The following GPC6 variants were observed in gnomAD, a reference collection of about 807,000 sequenced individuals.
GPC6 encodes the protein glypican-6.
Under a neutral mutation model 55.2 loss-of-function variants are expected in GPC6, and 14 were observed. The ratio of observed to expected loss-of-function variants is 0.25; its 90% CI spans 0.17 to 0.40. The LOEUF is 0.40. Among genes scored for constraint, GPC6 ranks in the 10% least tolerant of loss-of-function variants. The probability of loss-of-function intolerance (pLI) is 1.00; values close to 1 mark genes in which losing one functional copy is unlikely to be tolerated. For missense variants in GPC6, 641 were observed against 708.5 expected (o/e 0.90, Z 1.08); for synonymous variants, 278 against 259.6 (o/e 1.07, Z -0.68).
chr13:93,487,522 T>C (rs1032935187), intron 1 of GPC6, among the ~76,000 whole-genome samples: 1 of 152,170 alleles, frequency 6.6e-6, no homozygotes, highest in Non-Finnish European at 1.5e-5. Context: ...TTGGGTAACA[T>C]GAGTGTAGAA....
intron 4 of GPC6, among the ~76,000 whole-genome samples, chr13:94,041,763 G>A (rs1410439892): frequency 2.0e-5 from 3 of 151,744 alleles, no homozygotes; most frequent in Non-Finnish European, 4.4e-5. Context: ...AGGGACTTTG[G>A]TAAAGAAGTA....
intron 3 of GPC6, among the ~76,000 whole-genome samples, chr13:93,845,870 T>C (rs921192133): frequency 3.6e-4 from 53 of 146,148 alleles, no homozygotes; most frequent in African/African-American, 1.3e-3. Context: ...CATTGGGAGA[T>C]ATATCTAATG....
chr13:93,876,572 C>T (rs1889304485), intron 3 of GPC6, among the ~76,000 whole-genome samples: 1 of 152,006 alleles, frequency 6.6e-6, no homozygotes, highest in Admixed American at 6.6e-5. Context: ...ACTTATTTCT[C>T]TTACCTATCT....
chr13:93,319,965 A>G (rs770095233), intron 1 of GPC6, among the ~76,000 whole-genome samples: 6 of 152,158 alleles, frequency 3.9e-5, no homozygotes, highest in Non-Finnish European at 7.4e-5. Context: ...TCTAGGGAAC[A>G]ACAAACCCAA....
At chr13:94,330,297 G>A (rs1241562854) in intron 6 of GPC6, among the ~76,000 whole-genome samples, 2 of 152,194 alleles carry the variant, frequency 1.3e-5, no homozygotes, top group Non-Finnish European at 2.9e-5. Flanking sequence ...TTGGCCACTG[G>A]CCAAGTGACC....
At chr13:93,582,191 C>A (rs761808037) in intron 2 of GPC6, among the ~76,000 whole-genome samples, 15 of 152,304 alleles carry the variant, frequency 9.8e-5, no homozygotes, top group Middle Eastern at 6.8e-3. Context: ...CTTTTGCCAA[C>A]AATAAAATTC....
At chr13:93,607,297 A>G (rs1321842546) in intron 2 of GPC6, among the ~76,000 whole-genome samples, 1 of 152,230 alleles carries the variant, frequency 6.6e-6, no homozygotes, top group Non-Finnish European at 1.5e-5. Context: ...ATAACTGGAT[A>G]TAAAAATTGC....
At chr13:93,583,696 G>C (rs975013191) in intron 2 of GPC6, among the ~76,000 whole-genome samples, 1 of 152,194 alleles carries the variant, frequency 6.6e-6, no homozygotes, top group Non-Finnish European at 1.5e-5. Flanking sequence ...GATTACATGC[G>C]TGAACCACCA....
chr13:93,601,959 A>C (rs944817703), intron 2 of GPC6, among the ~76,000 whole-genome samples: 1 of 152,194 alleles, frequency 6.6e-6, no homozygotes, highest in African/African-American at 2.4e-5. Context: ...GGAAATTTTT[A>C]ATATAGACTC....
intron 4 of GPC6, among the ~76,000 whole-genome samples, chr13:94,208,640 C>G (rs553527488): frequency 1.3e-5 from 2 of 150,764 alleles, no homozygotes; most frequent in Non-Finnish European, 3.0e-5. Context: ...TTTGCTTTAG[C>G]GCTAGACACA....
At chr13:94,169,367 G>A (rs1456606516) in intron 4 of GPC6, among the ~76,000 whole-genome samples, 1 of 152,118 alleles carries the variant, frequency 6.6e-6, no homozygotes, top group African/African-American at 2.4e-5. Flanking sequence ...AAAGTACTCT[G>A]CACCTCCAAA....
intron 1 of GPC6, among the ~76,000 whole-genome samples, chr13:93,246,322 CA>C (rs1373479639): frequency 6.6e-6 from 1 of 152,120 alleles, no homozygotes; most frequent in East Asian, 1.9e-4. Context: ...TTAGGTTTAT[CA>C]AGCAATTGGC....
chr13:94,274,954 G>A (rs7335386), intron 4 of GPC6, among the ~76,000 whole-genome samples: 19,398 of 152,150 alleles, frequency 0.13, 1,274 homozygotes, highest in Middle Eastern at 0.22. Context: ...GTAGACCAGT[G>A]CTAATAAAGT....
intron 6 of GPC6, among the ~76,000 whole-genome samples, chr13:94,380,900 TG>T (rs1330252870): frequency 1.3e-5 from 2 of 152,226 alleles, no homozygotes; most frequent in African/African-American, 4.8e-5. Flanking sequence ...TTGTCTTTTA[TG>T]ATGGACATTT....
At chr13:93,806,136 A>T (rs1268464706) in intron 2 of GPC6, among the ~76,000 whole-genome samples, 1 of 152,202 alleles carries the variant, frequency 6.6e-6, no homozygotes. Flanking sequence ...CATGGAATGC[A>T]TGCTTACTGG....
intron 2 of GPC6, among the ~76,000 whole-genome samples, chr13:93,687,791 T>TGATTATACA (rs5805818): frequency 6.6e-6 from 1 of 151,314 alleles, no homozygotes; most frequent in Non-Finnish European, 1.5e-5. Context: ...GAGAAGGGAC[T>TGATTATACA]GAATGCATTG....
In GPC6 at chr13:94,226,778, G is replaced by C. The variant is rs140194539; in HGVS notation, c.878-59571G>C. 3.0e-3 allele frequency among the ~76,000 whole-genome samples: 462 copies of C among 152,280 alleles called. 3 individuals are homozygous for C. Among genetic ancestry groups the C allele is most frequent in the African/African-American group, 0.01 (422 of 41,562 alleles). ...GAAAAACAATAAATAAATCAGCAAG[G>C]ATGATACCCTCAACATTGGCAAGGG... On this transcript the variant is annotated intron_variant, in intron 4 of 8. Coordinates refer to ENST00000377047, the MANE Select transcript of GPC6 (RefSeq NM_005708.5).
intron 4 of GPC6, among the ~76,000 whole-genome samples, chr13:94,144,824 T>C (rs1217186028): frequency 1.3e-5 from 2 of 152,102 alleles, no homozygotes; most frequent in Non-Finnish European, 2.9e-5. Flanking sequence ...TTTTAGCAGT[T>C]CTTAAAATAT....
At chr13:94,272,085 T>C (rs1892045499) in intron 4 of GPC6, among the ~76,000 whole-genome samples, 1 of 152,052 alleles carries the variant, frequency 6.6e-6, no homozygotes, top group Admixed American at 6.6e-5. Context: ...AATAATAAAA[T>C]ATATATATCT....
Sources: gnomAD v4.1 joint callset for allele counts (sites outside exome capture counted in the v4.1 genomes callset) on GRCh38, gnomAD v4.1.1 for gene constraint, MANE v1.5 for transcripts, NCBI Gene and HGNC (gene_info 2026-07-23, HGNC 2026-07-21) for gene names.